The following CACNA2D4 variants were observed in gnomAD, a reference collection of about 807,000 sequenced individuals.
CACNA2D4 encodes voltage-dependent calcium channel subunit alpha-2/delta-4.
A neutral mutation model predicts 163.8 loss-of-function variants in CACNA2D4; 157 were observed. The observed-to-expected ratio is 0.96, with a 90% CI of 0.84 to 1.09. The LOEUF is 1.09. Ranked by LOEUF, CACNA2D4 falls within the 50% of genes least tolerant of loss-of-function variation. The pLI is 0.00. For synonymous variants in CACNA2D4, 598 were observed against 586.9 expected (o/e 1.02, Z -0.27); for missense variants, 1,410 against 1,479.9 (o/e 0.95, Z 0.78).
At chr12:1,884,062 G>A in intron 12 of CACNA2D4, 181 bp downstream of exon 12, 1 of 576,658 alleles carries the variant, frequency 1.7e-6, no homozygotes, top group East Asian at 2.8e-5. Context: ...AGACAGAGCT[G>A]ACATTGTCTC....
Position 1,797,570 on chromosome 12 carries a change from G to T in CACNA2D4, c.2996-35C>A, listed in dbSNP as rs966610271. The T allele has an allele frequency of 3.3e-6, 5 of 1,503,740 alleles. No homozygotes were observed. The African/African-American group carries it at 5.5e-5, about 17-fold the overall frequency. 93.1% of individuals were successfully genotyped at this position (1,503,740 alleles called of 1,614,324 possible). ...GAGAAAGGACATCACGCCACCGAAG[G>T]GGCCTCTGGCCTGCGGTGACCTCGC... On this transcript the variant is annotated intron_variant, in intron 34 of 37. Coordinates refer to ENST00000382722, the MANE Select transcript of CACNA2D4 (RefSeq NM_172364.5).
chr12:1,853,435 T>C lies in CACNA2D4; in HGVS notation c.2246+516A>G, dbSNP rs372537728. ...GAGGAGGTTTGACATCTTCACAATG[T>C]TGAATCTTCCTATTCAGGAGCAAGG... is the stretch of plus-strand genomic sequence containing the variant. On this transcript the variant is annotated intron_variant, in intron 23 of 37. Transcript: ENST00000382722. Among the ~76,000 whole-genome samples, 6 of 151,926 alleles carry C rather than the reference T, an allele frequency of 3.9e-5. No individual in the cohort carries two copies. The East Asian group carries it at 1.2e-3, about 30-fold the overall frequency.
At chr12:1,854,886 C>G (rs1865365424) in intron 22 of CACNA2D4, among the ~76,000 whole-genome samples, 1 of 151,932 alleles carries the variant, frequency 6.6e-6, no homozygotes, top group Non-Finnish European at 1.5e-5. Flanking sequence ...TGAAACTGAC[C>G]AATTTAAAGT....
intron 37 of CACNA2D4, among the ~76,000 whole-genome samples, chr12:1,794,148 A>G (rs1863047424): frequency 6.6e-6 from 1 of 152,138 alleles, no homozygotes; most frequent in African/African-American, 2.4e-5. Context: ...ACTATTATCC[A>G]CGTGACGGCC....
intron 25 of CACNA2D4, 91 bp from the exon 26 acceptor site, chr12:1,840,910 A>G (rs1219927207): frequency 8.9e-7 from 1 of 1,128,814 alleles, no homozygotes; most frequent in Non-Finnish European, 1.3e-6. Flanking sequence ...AGATGGGAAT[A>G]AAAGCAGGCG....
At chr12:1,838,272 C>A (rs1448712727) in intron 26 of CACNA2D4, among the ~76,000 whole-genome samples, 1 of 152,146 alleles carries the variant, frequency 6.6e-6, no homozygotes, top group Non-Finnish European at 1.5e-5. Context: ...CCCGCCACTG[C>A]CCCCGTGGCT....
Position 1,799,755 on chromosome 12 carries a change from T to C in CACNA2D4, c.2975-60A>G. On this transcript the variant is annotated intron_variant, in intron 33 of 37. Coordinates refer to ENST00000382722, the MANE Select transcript of CACNA2D4 (RefSeq NM_172364.5). The surrounding 1 kb of genome is among the most constrained non-coding windows in gnomAD (Gnocchi z 4.7). ...CGGCACAGGAAAACATGGTGGCACATGAGGGCAGGATGTCATGGGGTGGTG... is the reference window on the plus strand; with the variant it reads ...CGGCACAGGAAAACATGGTGGCACACGAGGGCAGGATGTCATGGGGTGGTG... 6 of 1,551,286 alleles carry C rather than the reference T, an allele frequency of 3.9e-6. No individual in the cohort carries two copies. The highest frequency in any genetic ancestry group is 3.3e-4 in the Middle Eastern group (2 of 5,994).
At position 1,793,633 on chromosome 12, in the gene CACNA2D4, A is replaced by T; in HGVS notation, c.*22T>A. Reference sequence around the variant, plus strand: ...GCTCTGGAAGGATCACCTTGCCAAAACACAGGTCAGGCTGGGTGGTGTCAC... The same window carrying T: ...GCTCTGGAAGGATCACCTTGCCAAATCACAGGTCAGGCTGGGTGGTGTCAC... On this transcript the variant is annotated 3_prime_UTR_variant, in exon 38 of 38. Coordinates refer to ENST00000382722, the MANE Select transcript of CACNA2D4 (RefSeq NM_172364.5). 1.9e-6 allele frequency: 3 copies of T among 1,607,130 alleles called. No individual in the cohort carries two copies. The highest frequency in any genetic ancestry group is 2.6e-6 in the Non-Finnish European group (3 of 1,173,766).
chr12:1,891,021 T>C (rs1866268890), intron 6 of CACNA2D4, among the ~76,000 whole-genome samples: 1 of 152,112 alleles, frequency 6.6e-6, no homozygotes, highest in Non-Finnish European at 1.5e-5. Context: ...AACGATTGCA[T>C]CACCTTTGCC....
intron 18 of CACNA2D4, among the ~76,000 whole-genome samples, chr12:1,865,457 C>T (rs1865628992): frequency 6.6e-6 from 1 of 152,224 alleles, no homozygotes; most frequent in Admixed American, 6.5e-5. Flanking sequence ...CAATCGCGTG[C>T]CTGGGGTCGG....
intron 31 of CACNA2D4, chr12:1,800,698 G>C (rs1051908180): frequency 3.4e-6 from 2 of 594,226 alleles, no homozygotes; most frequent in Non-Finnish European, 6.0e-6. Flanking sequence ...TCCAGGAGAC[G>C]AGTCAAGCCC....
intron 7 of CACNA2D4, among the ~76,000 whole-genome samples, chr12:1,886,800 A>C (rs1239348174): frequency 6.6e-6 from 1 of 152,140 alleles, no homozygotes; most frequent in Non-Finnish European, 1.5e-5. Context: ...TGGGAAAGAC[A>C]AACATGATCA....
At position 1,844,030 on chromosome 12, in the gene CACNA2D4, G is replaced by A. The variant is rs79997159; in HGVS notation, c.2470+372C>T. The stretch of plus-strand genomic sequence containing the variant: ...ACTGCAGCCCCTAATGAAACCACCC[G>A]TCTGGGTGGTTTATGAAGCTTTCAC... On this transcript the variant is annotated intron_variant, in intron 25 of 37. Transcript: ENST00000382722. This position sits in a 1 kb window ranked among gnomAD's most constrained non-coding sequence, Gnocchi z 4.2. Among the ~76,000 whole-genome samples the A allele has an allele frequency of 0.032, 4,875 of 152,258 alleles. 249 individuals carry two copies. The highest frequency in any genetic ancestry group is 0.11 in the African/African-American group (4,603 of 41,536).
chr12:1,828,243 G>C lies in CACNA2D4; in HGVS notation c.2551+12496C>G, dbSNP rs1487281757. 11 of 1,527,574 alleles carry C rather than the reference G, an allele frequency of 7.2e-6. No individual in the cohort carries two copies. The highest frequency in any genetic ancestry group is 9.7e-6 in the Non-Finnish European group (11 of 1,134,558). 94.6% of individuals were successfully genotyped at this position (1,527,574 alleles called of 1,614,324 possible). ...GAGTACACCCCTGGCCTCGGAGGGGGGTGCGGGTTGGGTGGGGGTGCCGAG... is the reference window on the plus strand; with the variant it reads ...GAGTACACCCCTGGCCTCGGAGGGGCGTGCGGGTTGGGTGGGGGTGCCGAG... On this transcript the variant is annotated intron_variant, in intron 26 of 37. Coordinates refer to ENST00000382722, the MANE Select transcript of CACNA2D4 (RefSeq NM_172364.5). The surrounding 1 kb of genome is among the most constrained non-coding windows in gnomAD (Gnocchi z 4.2).
Position 1,874,897 on chromosome 12 carries a change from C to T in CACNA2D4, c.1807-222G>A, listed in dbSNP as rs557475348. 1.1e-4 allele frequency among the ~76,000 whole-genome samples: 16 copies of T among 152,320 alleles called. No individual in the cohort carries two copies. Among genetic ancestry groups the T allele is most frequent in the Non-Finnish European group, 2.1e-4 (14 of 68,036 alleles). On this transcript the variant is annotated intron_variant, in intron 17 of 37. Coordinates refer to ENST00000382722, the MANE Select transcript of CACNA2D4 (RefSeq NM_172364.5). This position sits in a 1 kb window ranked among gnomAD's most constrained non-coding sequence, Gnocchi z 4.4. ...GATCCCACTCCCATGTGCACTGATG[C>T]ATTGGGGTACAGAGTGCCAAGTTGC...
chr12:1,912,051 C>A (rs1253913110), intron 3 of CACNA2D4, among the ~76,000 whole-genome samples: 1 of 152,170 alleles, frequency 6.6e-6, no homozygotes, highest in Non-Finnish European at 1.5e-5. Flanking sequence ...CCCAGCAACC[C>A]TGACCCCGGC....
Position 1,914,876 on chromosome 12 carries a change from G to A in CACNA2D4, c.287C>T (p.Ser96Leu). Residue 96 changes from serine (S) to leucine (L), a missense_variant, in exon 2 of 38, where the codon TCA (serine) becomes TTA (leucine). Physicochemically the swap from Ser to Leu is moderately radical, Grantham distance 145. Transcript: ENST00000382722. ...GACCTTCTGCAGCAAGAGAGAGCCT[G>A]AGTATTTGGTCACAGTGTTATACAG... ...GDLYNTVTKY[S>L]GSLLLQKKYK... 6.2e-7 allele frequency: 1 copy of A among 1,613,534 alleles called. No homozygotes were observed. Among genetic ancestry groups the A allele is most frequent in the Non-Finnish European group, 8.5e-7 (1 of 1,179,494 alleles).
In CACNA2D4 at chr12:1,802,649, G is replaced by A. The variant is rs1863378172; in HGVS notation, c.2722-1005C>T. The stretch of plus-strand genomic sequence containing the variant: ...TCTTTAAAAATTGGGGATAGCGTGT[G>A]TCCGGCGTGTGGCTCCCAGTAAATA... On this transcript the variant is annotated intron_variant, in intron 29 of 37. Coordinates refer to ENST00000382722, the MANE Select transcript of CACNA2D4 (RefSeq NM_172364.5). The surrounding 1 kb of genome is among the most constrained non-coding windows in gnomAD (Gnocchi z 4.7). 1.3e-5 allele frequency among the ~76,000 whole-genome samples: 2 copies of A among 152,244 alleles called. No homozygotes were observed. Among genetic ancestry groups the A allele is most frequent in the Admixed American group, 6.5e-5 (1 of 15,284 alleles).
At chr12:1,809,694 G>A (rs922034776) in intron 29 of CACNA2D4, 57 of 626,848 alleles carry the variant, frequency 9.1e-5, no homozygotes, top group Non-Finnish European at 4.6e-5. Context: ...CAGCGGGGGC[G>A]GGGGGAGGAT....
Sources: gnomAD v4.1 joint callset for allele counts (sites outside exome capture counted in the v4.1 genomes callset) on GRCh38, gnomAD v4.1.1 for gene constraint, Gnocchi (gnomAD v3.1) non-coding constraint, MANE v1.5 for transcripts, NCBI Gene and HGNC (gene_info 2026-07-23, HGNC 2026-07-21) for gene names.